NUBPL: variants seen among roughly 807,000 people sequenced by gnomAD.
NUBPL encodes NUBP iron-sulfur cluster assembly factor, mitochondrial.
NUBPL carries 31 observed loss-of-function variants against 45.7 expected under a neutral mutation model. The ratio of observed to expected loss-of-function variants is 0.68; its 90% CI spans 0.51 to 0.92. The LOEUF (loss-of-function observed/expected upper bound fraction) is 0.92. NUBPL is among the 40% of genes least tolerant of loss of function. The pLI is 0.00. For missense variants in NUBPL, 401 were observed against 398.7 expected, an observed-to-expected ratio of 1.01 and a Z score of -0.05; for synonymous variants, 144 against 140.9, an observed-to-expected ratio of 1.02 and a Z score of -0.15.
intron 3 of NUBPL, among the ~76,000 whole-genome samples, chr14:31,578,803 T>C (rs2033786710): frequency 6.6e-6 from 1 of 152,200 alleles, no homozygotes; most frequent in Admixed American, 6.5e-5. Context: ...GCGGGCAGCT[T>C]GTTGTAATTC....
chr14:31,689,019 T>C (rs1404622010), intron 6 of NUBPL, among the ~76,000 whole-genome samples: 1 of 152,078 alleles, frequency 6.6e-6, no homozygotes, highest in African/African-American at 2.4e-5. Context: ...TGTGGCTGCA[T>C]TGTATTCCAT....
intron 4 of NUBPL, among the ~76,000 whole-genome samples, chr14:31,631,653 A>AC (rs2035347468): frequency 1.3e-5 from 2 of 152,094 alleles, no homozygotes; most frequent in Non-Finnish European, 2.9e-5. Context: ...CCAATGATAT[A>AC]AGTTTTAGGT....
intron 6 of NUBPL, among the ~76,000 whole-genome samples, chr14:31,728,295 G>A (rs1014734011): frequency 2.0e-5 from 3 of 151,770 alleles, no homozygotes; most frequent in Non-Finnish European, 4.4e-5. Context: ...TTCTTGTGTT[G>A]TATTATAAAT....
intron 7 of NUBPL, among the ~76,000 whole-genome samples, chr14:31,802,672 C>A (rs1207957281): frequency 3.3e-5 from 5 of 152,054 alleles, no homozygotes; most frequent in African/African-American, 1.2e-4. Flanking sequence ...GAGCAATGAG[C>A]CAAATAAACT....
intron 6 of NUBPL, among the ~76,000 whole-genome samples, chr14:31,724,962 A>G (rs917369745): frequency 1.3e-5 from 2 of 152,076 alleles, no homozygotes; most frequent in African/African-American, 4.8e-5. Flanking sequence ...AAGAACATAC[A>G]AAATGAAGGG....
intron 6 of NUBPL, among the ~76,000 whole-genome samples, chr14:31,697,130 T>C (rs2037231680): frequency 6.6e-6 from 1 of 152,200 alleles, no homozygotes; most frequent in Non-Finnish European, 1.5e-5. Context: ...CAGAGGAAAG[T>C]AATGAAATAG....
chr14:31,615,057 A>G (rs1462669786), intron 4 of NUBPL, among the ~76,000 whole-genome samples: 2 of 152,122 alleles, frequency 1.3e-5, no homozygotes, highest in Non-Finnish European at 1.5e-5. Context: ...TGTAATCCTC[A>G]TGTGTTGAGG....
chr14:31,811,306 T>G (rs946873927), intron 7 of NUBPL, among the ~76,000 whole-genome samples: 1 of 152,142 alleles, frequency 6.6e-6, no homozygotes, highest in Non-Finnish European at 1.5e-5. Flanking sequence ...TCTTGGAAGA[T>G]TTGTTTGTTT....
intron 6 of NUBPL, among the ~76,000 whole-genome samples, chr14:31,710,207 G>A (rs1300846664): frequency 6.6e-6 from 1 of 152,110 alleles, no homozygotes; most frequent in African/African-American, 2.4e-5. Context: ...TCAAGGGTGA[G>A]CCTGTTGATG....
chr14:31,641,184 T>G (rs994213128), intron 4 of NUBPL, among the ~76,000 whole-genome samples: 20 of 152,156 alleles, frequency 1.3e-4, no homozygotes, highest in African/African-American at 4.6e-4. Context: ...TCTCTTGACC[T>G]TGTGATCCTC....
chr14:31,704,379 A>C (rs1451739774), intron 6 of NUBPL, among the ~76,000 whole-genome samples: 1 of 152,168 alleles, frequency 6.6e-6, no homozygotes, highest in Non-Finnish European at 1.5e-5. Flanking sequence ...TGAAAGTATA[A>C]TTGGCCAGGC....
chr14:31,755,601 CT>C (rs2038642366), intron 6 of NUBPL, among the ~76,000 whole-genome samples: 1 of 152,170 alleles, frequency 6.6e-6, no homozygotes, highest in East Asian at 1.9e-4. Context: ...GATATTAGCC[CT>C]TTGTCAGATG....
chr14:31,692,666 T>A (rs2037119369), intron 6 of NUBPL, among the ~76,000 whole-genome samples: 1 of 152,374 alleles, frequency 6.6e-6, no homozygotes, highest in Middle Eastern at 3.4e-3. Context: ...ACATTTTCCC[T>A]TGATAGTTGT....
chr14:31,701,140 G>A lies in NUBPL; in HGVS notation c.513+27566G>A, dbSNP rs1010261882. On this transcript the variant is annotated intron_variant, in intron 6 of 10. Coordinates refer to ENST00000281081, the MANE Select transcript of NUBPL (RefSeq NM_025152.3). Reference sequence around the variant, plus strand: ...CAGCACTCTGTATCTAGCTAATCTGGTGGGGACTTGGAGAACTTTTATGTC... The same window carrying A: ...CAGCACTCTGTATCTAGCTAATCTGATGGGGACTTGGAGAACTTTTATGTC... Among the ~76,000 whole-genome samples, 3 of 151,782 alleles carry A rather than the reference G, an allele frequency of 2.0e-5. No homozygotes were observed. In the South Asian group the frequency reaches 6.2e-4, roughly 32 times the overall value.
chr14:31,736,042 T>G (rs1025585429), intron 6 of NUBPL, among the ~76,000 whole-genome samples: 1 of 152,210 alleles, frequency 6.6e-6, no homozygotes, highest in African/African-American at 2.4e-5. Flanking sequence ...TTACTCAGTC[T>G]TCCTAACTTT....
At chr14:31,614,470 T>TAC (rs756953045) in intron 4 of NUBPL, among the ~76,000 whole-genome samples, 1 of 152,134 alleles carries the variant, frequency 6.6e-6, no homozygotes, top group Non-Finnish European at 1.5e-5. Context: ...TATACACACA[T>TAC]ACACACACAT....
At chr14:31,703,436 G>A (rs966712694) in intron 6 of NUBPL, among the ~76,000 whole-genome samples, 1 of 152,172 alleles carries the variant, frequency 6.6e-6, no homozygotes. Context: ...GCCTCTTAAT[G>A]TGTGTATTAG....
intron 3 of NUBPL, among the ~76,000 whole-genome samples, chr14:31,597,032 C>T (rs2034301797): frequency 6.6e-6 from 1 of 152,120 alleles, no homozygotes; most frequent in Admixed American, 6.5e-5. Flanking sequence ...CTTTATATAA[C>T]TTTGCTGTCT....
chr14:31,737,833 A>G (rs2038196759), intron 6 of NUBPL, among the ~76,000 whole-genome samples: 1 of 152,186 alleles, frequency 6.6e-6, no homozygotes, highest in African/African-American at 2.4e-5. Flanking sequence ...GCACTTACTT[A>G]ACAGTTGAAG....
Sources: gnomAD v4.1 joint callset for allele counts (sites outside exome capture counted in the v4.1 genomes callset) on GRCh38, gnomAD v4.1.1 for gene constraint, MANE v1.5 for transcripts, NCBI Gene and HGNC (gene_info 2026-07-23, HGNC 2026-07-21) for gene names.